ALOX5: variants seen among roughly 807,000 people sequenced by gnomAD.
The protein encoded by ALOX5 is polyunsaturated fatty acid 5-lipoxygenase.
In ALOX5, 64 loss-of-function variants were observed where a neutral mutation model predicts 87.9. The observed-to-expected ratio is 0.73, with a 90% CI of 0.60 to 0.90. ALOX5 has a LOEUF of 0.90. Ranked by LOEUF, ALOX5 falls within the 40% of genes least tolerant of loss-of-function variation. ALOX5 has a pLI of 0.00. For missense variants in ALOX5, 822 were observed against 907.5 expected, an observed-to-expected ratio of 0.91 and a Z score of 1.21; for synonymous variants, 388 against 355.1, an observed-to-expected ratio of 1.09 and a Z score of -1.04.
intron 7 of ALOX5, among the ~76,000 whole-genome samples, chr10:45,438,679 G>C (rs745555553): frequency 7.2e-5 from 11 of 152,226 alleles, no homozygotes; most frequent in African/African-American, 2.7e-4. Context: ...TGGGGACCCT[G>C]AGAGCTGGGA....
Position 45,445,554 on chromosome 10 carries a change from T to C in ALOX5, c.1892T>C (p.Val631Ala). 1 of 1,614,128 alleles carries C rather than the reference T, an allele frequency of 6.2e-7. No individual in the cohort carries two copies. The highest frequency in any genetic ancestry group is 8.5e-7 in the Non-Finnish European group (1 of 1,180,006). ...GAAGAGCATTTTATCGAGAAGCCTG[T>C]GAAGGAAGCCATGGCCCGATTCCGC... is the stretch of plus-strand genomic sequence containing the variant. Reference protein sequence around the residue: ...YPEEHFIEKPVKEAMARFRKN... With the variant: ...YPEEHFIEKPAKEAMARFRKN... Residue 631 changes from valine (V) to alanine (A), a missense_variant, in exon 14 of 14, where the codon GTG becomes GCG. Val to Ala is a moderately conservative substitution (Grantham distance 64, BLOSUM62 0). Coordinates refer to ENST00000374391, the MANE Select transcript of ALOX5 (RefSeq NM_000698.5).
intron 1 of ALOX5, among the ~76,000 whole-genome samples, chr10:45,375,903 C>G (rs556800055): frequency 2.0e-5 from 3 of 152,248 alleles, no homozygotes; most frequent in Admixed American, 1.3e-4. Context: ...TGATGGCACC[C>G]TCTGCCATTT....
Position 45,443,047 on chromosome 10 carries a change from A to G in ALOX5, c.1282A>G (p.Thr428Ala), listed in dbSNP as rs1364875407. 1.9e-6 allele frequency: 3 copies of G among 1,612,498 alleles called. No homozygotes were observed. The highest frequency in any genetic ancestry group is 2.5e-6 in the Non-Finnish European group (3 of 1,179,400). Residue 428 changes from threonine (T) to alanine (A), a missense_variant, in exon 10 of 14, where the codon ACA (threonine) becomes GCA (alanine). Coordinates refer to ENST00000374391, the MANE Select transcript of ALOX5 (RefSeq NM_000698.5). The part of the protein sequence containing the change: ...ECGLFDKANA[T>A]GGGGHVQMVQ... Reference sequence around the variant, plus strand: ...CTACCTCCCACTCCAGGCCAACGCCACAGGGGGCGGTGGGCACGTGCAGAT... The same window carrying G: ...CTACCTCCCACTCCAGGCCAACGCCGCAGGGGGCGGTGGGCACGTGCAGAT...
chr10:45,431,024 T>C (rs1841887593), intron 7 of ALOX5, among the ~76,000 whole-genome samples: 1 of 152,348 alleles, frequency 6.6e-6, no homozygotes, highest in African/African-American at 2.4e-5. Flanking sequence ...AATGACTATA[T>C]GTAATAACCA....
intron 7 of ALOX5, 93 bp from the exon 8 acceptor site, chr10:45,440,337 A>G: frequency 2.2e-6 from 3 of 1,345,260 alleles, no homozygotes; most frequent in Non-Finnish European, 3.1e-6. Flanking sequence ...AGAAATTCAG[A>G]TACTTCTGGA....
intron 3 of ALOX5, among the ~76,000 whole-genome samples, chr10:45,402,351 T>A (rs1374080812): frequency 2.0e-5 from 3 of 151,964 alleles, no homozygotes; most frequent in African/African-American, 7.3e-5. Flanking sequence ...TCAAAAACAT[T>A]CCTTGAAACA....
chr10:45,442,956 C>G lies in ALOX5; in HGVS notation c.1273-82C>G, dbSNP rs200646971. 37 of 1,465,230 alleles carry G rather than the reference C, an allele frequency of 2.5e-5. No homozygotes were observed. The East Asian group carries it at 8.0e-4, about 32-fold the overall frequency. 90.8% of individuals were successfully genotyped at this position (1,465,230 alleles called of 1,614,324 possible). On this transcript the variant is annotated intron_variant, in intron 9 of 13. Transcript: ENST00000374391. ...CTCTGCCTGCCTGGCCTCCTCGCCT[C>G]CCCTGGCACATTTCCTCAGGGATGG...
intron 2 of ALOX5, among the ~76,000 whole-genome samples, chr10:45,395,431 G>A (rs905597602): frequency 1.3e-5 from 2 of 152,040 alleles, no homozygotes; most frequent in Non-Finnish European, 2.9e-5. Context: ...ACAGGAAGGG[G>A]AACATCACAC....
chr10:45,392,278 G>A (rs1187140634), intron 2 of ALOX5, among the ~76,000 whole-genome samples: 18 of 152,176 alleles, frequency 1.2e-4, no homozygotes, highest in Admixed American at 1.1e-3. Flanking sequence ...GGGGAAAGGT[G>A]GGGAAAAGAT....
intron 12 of ALOX5, 79 bp from the exon 13 acceptor site, chr10:45,444,037 C>A: frequency 1.4e-6 from 2 of 1,467,982 alleles, no homozygotes; most frequent in Non-Finnish European, 1.8e-6. Flanking sequence ...TTGGGGGGCA[C>A]GGGGAGGACG....
Position 45,443,560 on chromosome 10 carries a change from G to A in ALOX5, c.1573+23G>A, listed in dbSNP as rs368323564. 2.5e-6 allele frequency: 4 copies of A among 1,603,906 alleles called. No individual in the cohort carries two copies. In the African/African-American group the frequency reaches 4.0e-5, roughly 16 times the overall value. ...CAGGTAGGGCCTCCGGGACGTCTCC[G>A]GACCCGGCTCCCCCGCAGTCGGCAG... On this transcript the variant is annotated intron_variant, in intron 11 of 13. Transcript: ENST00000374391.
At chr10:45,431,065 A>G (rs1202022498) in intron 7 of ALOX5, among the ~76,000 whole-genome samples, 2 of 152,260 alleles carry the variant, frequency 1.3e-5, no homozygotes, top group African/African-American at 4.8e-5. Flanking sequence ...TTTCAATATC[A>G]AGAGAGCTAC....
chr10:45,387,537 C>T (rs1447332790), intron 2 of ALOX5, among the ~76,000 whole-genome samples: 2 of 152,180 alleles, frequency 1.3e-5, no homozygotes, highest in East Asian at 3.8e-4. Flanking sequence ...CACCAGGGGC[C>T]CTTAGGTCCC....
At chr10:45,435,453 G>T (rs1842035207) in intron 7 of ALOX5, among the ~76,000 whole-genome samples, 1 of 151,732 alleles carries the variant, frequency 6.6e-6, no homozygotes, top group Non-Finnish European at 1.5e-5. Context: ...AGTGTCTTTT[G>T]TTCCCACTTT....
At chr10:45,427,674 A>C (rs1841766233) in intron 6 of ALOX5, among the ~76,000 whole-genome samples, 1 of 152,136 alleles carries the variant, frequency 6.6e-6, no homozygotes, top group African/African-American at 2.4e-5. Context: ...TCACTCAGGA[A>C]ACAGAAAAGG....
chr10:45,443,240 C>T (rs776659209), intron 10 of ALOX5, 24 bp downstream of exon 10: 3 of 1,606,676 alleles, frequency 1.9e-6, no homozygotes, highest in African/African-American at 1.3e-5. Flanking sequence ...GGGCGGTGGT[C>T]CTGGGGGAGG....
intron 2 of ALOX5, among the ~76,000 whole-genome samples, chr10:45,389,636 C>T (rs1359181445): frequency 7.0e-6 from 1 of 143,834 alleles, no homozygotes; most frequent in Non-Finnish European, 1.5e-5. Flanking sequence ...TACAGACAAG[C>T]AAATGCTGAG....
In ALOX5 at chr10:45,374,368, C is replaced by G. The variant is rs866344948; in HGVS notation, c.89C>G (p.Ala30Gly). The G allele has an allele frequency of 6.5e-7, 1 of 1,549,768 alleles. No individual in the cohort carries two copies. Among genetic ancestry groups the G allele is most frequent in the Admixed American group, 2.0e-5 (1 of 49,804 alleles). The change falls in exon 1 of 14, where the codon GCG (alanine) becomes GGG (glycine). Residue 30 changes from alanine to glycine, a missense_variant. By Grantham distance (60) the Ala-to-Gly change is moderately conservative. Transcript: ENST00000374391. ...ATCTACCTCAGCCTCGTGGGCTCGG[C>G]GGGCTGCAGCGAGAAGCACCTGCTG... ...DYIYLSLVGS[A>G]GCSEKHLLDK...
intron 2 of ALOX5, among the ~76,000 whole-genome samples, chr10:45,389,465 G>A (rs1402141300): frequency 6.6e-6 from 1 of 152,110 alleles, no homozygotes; most frequent in African/African-American, 2.4e-5. Flanking sequence ...TACCCACAAA[G>A]GGAAGCCCAT....
Sources: gnomAD v4.1 joint callset for allele counts (sites outside exome capture counted in the v4.1 genomes callset) on GRCh38, gnomAD v4.1.1 for gene constraint, MANE v1.5 for transcripts, NCBI Gene and HGNC (gene_info 2026-07-23, HGNC 2026-07-21) for gene names.